PARP1: variants seen among roughly 807,000 people sequenced by gnomAD.
PARP1 encodes poly(ADP-ribose) polymerase 1.
In PARP1, 44 loss-of-function variants were observed where a neutral mutation model predicts 118.7. The ratio of observed to expected loss-of-function variants is 0.37; its 90% CI spans 0.29 to 0.48. The LOEUF (loss-of-function observed/expected upper bound fraction) is 0.48, where lower values mean the gene tolerates loss of function less well. PARP1 is among the 20% of genes least tolerant of loss of function. The pLI, the probability that PARP1 is intolerant of heterozygous loss-of-function variation, is 0.99. For synonymous variants in PARP1, 492 were observed against 483.2 expected, an observed-to-expected ratio of 1.02 and a Z score of -0.24; for missense variants, 1,100 against 1,272.4, an observed-to-expected ratio of 0.86 and a Z score of 2.06.
At chr1:226,364,382 A>G in intron 19 of PARP1, 1 of 372,650 alleles carries the variant, frequency 2.7e-6, no homozygotes, top group South Asian at 2.2e-5. Context: ...CATCAGTGTT[A>G]CTTAAACTAG....
At chr1:226,394,552 G>A (rs961795053) in intron 2 of PARP1, among the ~76,000 whole-genome samples, 1 of 152,192 alleles carries the variant, frequency 6.6e-6, no homozygotes, top group Non-Finnish European at 1.5e-5. Flanking sequence ...GTACAGGTGC[G>A]TGGGATGTAC....
intron 5 of PARP1, among the ~76,000 whole-genome samples, chr1:226,387,193 G>A (rs1664731690): frequency 6.6e-6 from 1 of 152,126 alleles, no homozygotes; most frequent in Non-Finnish European, 1.5e-5. Flanking sequence ...ATGTTGGCCA[G>A]GCTAGTCTCA....
chr1:226,392,753 T>C (rs1664843950), intron 2 of PARP1: 2 of 581,210 alleles, frequency 3.4e-6, no homozygotes, highest in Admixed American at 3.6e-5. Flanking sequence ...CAGACACAAG[T>C]ATATGTAAGA....
chr1:226,391,903 AAC>A (rs1260297094), intron 3 of PARP1, among the ~76,000 whole-genome samples: 1 of 152,182 alleles, frequency 6.6e-6, no homozygotes, highest in African/African-American at 2.4e-5. Context: ...TCTACCATAA[AAC>A]ACAGACAAAC....
intron 15 of PARP1, 78 bp from the exon 16 acceptor site, chr1:226,368,399 G>A: frequency 6.3e-7 from 1 of 1,592,930 alleles, no homozygotes; most frequent in East Asian, 2.2e-5. Context: ...TCTTTTAGCA[G>A]GTGGGTGCTG....
At chr1:226,362,587 T>A (rs373740632) in intron 21 of PARP1, among the ~76,000 whole-genome samples, 8 of 152,222 alleles carry the variant, frequency 5.3e-5, no homozygotes, top group Non-Finnish European at 1.2e-4. Flanking sequence ...TTCGGCTCAA[T>A]AGAATTTCAA....
At chr1:226,367,381 T>G (rs1223821205) in intron 17 of PARP1, 99 bp downstream of exon 17, 2 of 1,457,588 alleles carry the variant, frequency 1.4e-6, no homozygotes, top group Non-Finnish European at 1.9e-6. Context: ...ACCTGTGTTT[T>G]AACAAGCTTT....
intron 8 of PARP1, 128 bp from the exon 9 acceptor site, chr1:226,381,336 G>T (rs1427831170): frequency 1.4e-5 from 15 of 1,051,122 alleles, no homozygotes; most frequent in Non-Finnish European, 1.9e-5. Context: ...ACACTCGCGA[G>T]AAAACAGGAC....
intron 13 of PARP1, among the ~76,000 whole-genome samples, chr1:226,374,613 G>A (rs950952774): frequency 2.6e-5 from 4 of 152,162 alleles, no homozygotes; most frequent in African/African-American, 7.2e-5. Flanking sequence ...CCACTGCAGC[G>A]TCTGCATGGG....
intron 12 of PARP1, among the ~76,000 whole-genome samples, chr1:226,377,806 A>T (rs399310): frequency 6.6e-6 from 1 of 152,142 alleles, no homozygotes; most frequent in African/African-American, 2.4e-5. Context: ...TTCCATCTCA[A>T]TTGAGGGTAC....
chr1:226,400,782 G>A (rs868539934), intron 2 of PARP1, among the ~76,000 whole-genome samples: 3 of 152,216 alleles, frequency 2.0e-5, no homozygotes, highest in African/African-American at 4.8e-5. Context: ...CACCTCCAGC[G>A]AGCTAAAACC....
chr1:226,365,162 G>A lies in PARP1; in HGVS notation c.2506-8C>T, dbSNP rs776213379. ...ACGCTCTATCTTAAAGATCTGGTTG[G>A]AGTAGTAAACAAAGGGAAGGACAAA... On this transcript the variant is annotated splice_polypyrimidine_tract_variant and splice_region_variant and intron_variant, in intron 18 of 22. Coordinates refer to ENST00000366794, the MANE Select transcript of PARP1 (RefSeq NM_001618.4). 1 of 1,613,998 alleles carries A rather than the reference G, an allele frequency of 6.2e-7. No individual in the cohort carries two copies. The highest frequency in any genetic ancestry group is 1.3e-5 in the African/African-American group (1 of 74,940).
At chr1:226,371,281 T>C (rs1024102359) in intron 14 of PARP1, among the ~76,000 whole-genome samples, 10 of 152,202 alleles carry the variant, frequency 6.6e-5, no homozygotes, top group African/African-American at 2.4e-4. Flanking sequence ...TGAGACATCG[T>C]CTCTGGGGCT....
rs550034575 is a variant in PARP1 at position 226,407,377 on chromosome 1, A to C, written c.120+433T>G. On this transcript the variant is annotated intron_variant, in intron 1 of 22. Transcript: ENST00000366794. Reference sequence around the variant, plus strand: ...TGACTGCCAAAAATAGGTTTAACAAAAAAAAAAAAAACCCACATGTCAGTC... The same window carrying C: ...TGACTGCCAAAAATAGGTTTAACAACAAAAAAAAAAACCCACATGTCAGTC... 8.6e-3 allele frequency among the ~76,000 whole-genome samples: 1,201 copies of C among 140,436 alleles called. 10 individuals carry two copies. Among genetic ancestry groups the C allele is most frequent in the Middle Eastern group, 0.024 (7 of 288 alleles). 92.1% of individuals were successfully genotyped at this position (140,436 alleles called of 152,430 possible).
chr1:226,374,006 A>G (rs1664443739), intron 14 of PARP1, among the ~76,000 whole-genome samples: 1 of 152,102 alleles, frequency 6.6e-6, no homozygotes, highest in African/African-American at 2.4e-5. Flanking sequence ...TCTCCAACAC[A>G]ACACATGCTT....
chr1:226,372,311 C>T (rs1339702019), intron 14 of PARP1, among the ~76,000 whole-genome samples: 1 of 152,236 alleles, frequency 6.6e-6, no homozygotes, highest in Admixed American at 6.5e-5. Context: ...TAGCTTGTTT[C>T]AGCAAGCAGC....
At position 226,365,940 on chromosome 1, in the gene PARP1, G is replaced by A. The variant is rs1293816412; in HGVS notation, c.2505+14C>T. 6.4e-7 allele frequency: 1 copy of A among 1,555,430 alleles called. No individual in the cohort carries two copies. Among genetic ancestry groups the A allele is most frequent in the Non-Finnish European group, 8.9e-7 (1 of 1,126,284 alleles). ...CAGGACACAGAAGGAAGTGGGGGAAGAAGGGATTCTTACATCGATGACTTC... is the reference window on the plus strand; with the variant it reads ...CAGGACACAGAAGGAAGTGGGGGAAAAAGGGATTCTTACATCGATGACTTC... On this transcript the variant is annotated intron_variant, in intron 18 of 22. Transcript: ENST00000366794.
intron 10 of PARP1, 33 bp from the exon 11 acceptor site, chr1:226,379,674 G>A: frequency 1.3e-6 from 2 of 1,542,158 alleles, no homozygotes; most frequent in Non-Finnish European, 1.8e-6. Flanking sequence ...TAAACATGAA[G>A]TTAAATGTAA....
At chr1:226,398,702 AATG>A (rs1176155989) in intron 2 of PARP1, among the ~76,000 whole-genome samples, 8 of 152,242 alleles carry the variant, frequency 5.3e-5, no homozygotes, top group African/African-American at 1.9e-4. Context: ...AATCCAAAAC[AATG>A]ATAACACCAA....
Sources: gnomAD v4.1 joint callset for allele counts (sites outside exome capture counted in the v4.1 genomes callset) on GRCh38, gnomAD v4.1.1 for gene constraint, MANE v1.5 for transcripts, NCBI Gene and HGNC (gene_info 2026-07-23, HGNC 2026-07-21) for gene names.